Variants in CNOT3 observed in about 807,000 individuals in gnomAD.
CNOT3 encodes the protein CCR4-NOT transcription complex subunit 3, also known as CCR4-associated factor 3.
CNOT3 carries 2 observed loss-of-function variants against 89.4 expected under a neutral mutation model. That is an observed-to-expected ratio of 0.02 (90% CI 0.01 to 0.07). CNOT3 has a LOEUF of 0.07. CNOT3 is among the 10% of genes least tolerant of loss of function. The pLI, the probability that CNOT3 is intolerant of heterozygous loss-of-function variation, is 1.00. For synonymous variants in CNOT3, 486 were observed against 402.0 expected, an observed-to-expected ratio of 1.21 and a Z score of -2.50; for missense variants, 664 against 1,010.2, an observed-to-expected ratio of 0.66 and a Z score of 4.65.
chr19:54,146,642 C>A lies in CNOT3; in HGVS notation c.879C>A (p.Asp293Glu). The A allele has an allele frequency of 6.4e-7, 1 of 1,561,822 alleles. No homozygotes were observed. The highest frequency in any genetic ancestry group is 8.8e-7 in the Non-Finnish European group (1 of 1,132,354). ...EDDKKRGRSTDSEVSQSPAKN... is the reference protein window; with the variant it reads ...EDDKKRGRSTESEVSQSPAKN... ...ATAAGAAGAGGGGACGTTCCACAGA[C>A]AGTGAAGTCAGCCAGGTGGGTGTGA... Residue 293 changes from aspartate (D) to glutamate (E), a missense_variant, in exon 10 of 18, where the codon GAC becomes GAA. Asp to Glu is a conservative substitution (Grantham distance 45). Transcript: ENST00000221232.
Position 54,152,914 on chromosome 19 carries a change from A to G in CNOT3, c.1952A>G (p.Gln651Arg), listed in dbSNP as rs1397177916. The stretch of plus-strand genomic sequence containing the variant: ...TGTCCGACGCCCCCCTACCACCACC[A>G]GATGCCACCCCCACACTCGGACACT... ...NPCPTPPYHHQMPPPHSDTVE... is the reference protein window; with the variant it reads ...NPCPTPPYHHRMPPPHSDTVE... The change falls in exon 16 of 18, where the codon CAG (glutamine) becomes CGG (arginine). Residue 651 changes from glutamine (Q) to arginine (R), a missense_variant. Gln to Arg is a conservative substitution (Grantham distance 43). This residue lies in a region of CNOT3 where 545 missense variants were observed against 566.2 expected (regional missense o/e 0.96). Transcript: ENST00000221232. The G allele has an allele frequency of 7.0e-7, 1 of 1,432,294 alleles. No individual in the cohort carries two copies. The highest frequency in any genetic ancestry group is 9.3e-7 in the Non-Finnish European group (1 of 1,072,476). The allele number at this position is 1,432,294 out of a possible 1,614,324, so 88.7% of individuals were successfully genotyped here. A position where few individuals can be genotyped will look rare whatever the true frequency, so the allele number is the denominator to read the frequency against.
chr19:54,150,094 C>T (rs2074985530), intron 13 of CNOT3, among the ~76,000 whole-genome samples: 1 of 152,124 alleles, frequency 6.6e-6, no homozygotes, highest in Non-Finnish European at 1.5e-5. Context: ...CGTTTGTCCT[C>T]ACAAGGCATA....
At chr19:54,153,490 C>T in intron 16 of CNOT3, 1 of 777,652 alleles carries the variant, frequency 1.3e-6, no homozygotes, top group African/African-American at 1.7e-5. Context: ...TTTCTTCCTT[C>T]TCAAAGCTTC....
At chr19:54,153,230 G>A (rs771637830) in intron 16 of CNOT3, 1 of 763,608 alleles carries the variant, frequency 1.3e-6, no homozygotes, top group Admixed American at 1.7e-5. Context: ...GGTCCACTGA[G>A]GCACACCTCA....
intron 13 of CNOT3, 70 bp downstream of exon 13, chr19:54,149,828 C>G: frequency 7.1e-7 from 1 of 1,415,122 alleles, no homozygotes; most frequent in Non-Finnish European, 9.5e-7. Context: ...AGGTCTCTAG[C>G]TGCACCCCTT....
chr19:54,154,266 A>C, intron 17 of CNOT3: 1 of 345,676 alleles, frequency 2.9e-6, no homozygotes, highest in Non-Finnish European at 5.7e-6. Flanking sequence ...CTCAGTGCGG[A>C]AACTATTTTT....
Position 54,144,200 on chromosome 19 carries a change from C to G in CNOT3, c.388-37C>G. ...CTGAGCCCTGGGTGTAGGCGGAACCCTAGCTGATGGGCTTCCTCTTCCTCT... is the reference window on the plus strand; with the variant it reads ...CTGAGCCCTGGGTGTAGGCGGAACCGTAGCTGATGGGCTTCCTCTTCCTCT... On this transcript the variant is annotated intron_variant, in intron 6 of 17. Transcript: ENST00000221232. The surrounding 1 kb of genome is among the most constrained non-coding windows in gnomAD (Gnocchi z 4.8). 6.2e-7 allele frequency: 1 copy of G among 1,613,468 alleles called. No individual in the cohort carries two copies. Among genetic ancestry groups the G allele is most frequent in the South Asian group, 1.1e-5 (1 of 91,056 alleles).
chr19:54,149,147 T>C (rs1461444411), intron 12 of CNOT3, among the ~76,000 whole-genome samples: 2 of 152,184 alleles, frequency 1.3e-5, no homozygotes, highest in Non-Finnish European at 2.9e-5. Flanking sequence ...ACCATTCCAC[T>C]GGGTCTGCCT....
Position 54,145,985 on chromosome 19 carries a change from C to T in CNOT3, c.779C>T (p.Thr260Met), listed in dbSNP as rs1333533043. 1 of 1,613,926 alleles carries T rather than the reference C, an allele frequency of 6.2e-7. No individual in the cohort carries two copies. Among genetic ancestry groups the T allele is most frequent in the Non-Finnish European group, 8.5e-7 (1 of 1,179,884 alleles). The part of the protein sequence containing the change: ...EDEIFNQSSS[T>M]PTSTTSSSPI... ...GAGATCTTCAACCAGTCCAGCAGCA[C>T]GCCCACCTCAACCACCTCCAGCTCT... Residue 260 changes from threonine to methionine, a missense_variant, in exon 9 of 18, where the codon ACG becomes ATG. Physicochemically the swap from Thr to Met is moderately conservative, Grantham distance 81. Coordinates refer to ENST00000221232, the MANE Select transcript of CNOT3 (RefSeq NM_014516.4). The surrounding 1 kb of genome is among the most constrained non-coding windows in gnomAD (Gnocchi z 5.9).
rs2146794272 is a variant in CNOT3 at position 54,153,754 on chromosome 19, A to C, written c.2077A>C (p.Lys693Gln). 1.2e-6 allele frequency: 2 copies of C among 1,613,980 alleles called. No homozygotes were observed. The highest frequency in any genetic ancestry group is 8.5e-7 in the Non-Finnish European group (1 of 1,179,914). The change falls in exon 17 of 18, where the codon AAG becomes CAG. Residue 693 changes from lysine (K) to glutamine (Q), a missense_variant. Around this residue, in one of 8 missense-constraint regions of CNOT3, gnomAD observed 2 missense variants for 41.2 expected, o/e 0.05. Transcript: ENST00000221232. ...AQYLAAKALK[K>Q]QSWRFHTKYM... The stretch of plus-strand genomic sequence containing the variant: ...GTATCTGGCAGCCAAGGCCCTAAAG[A>C]AGCAGTCATGGCGATTCCACACCAA...
chr19:54,138,560 C>A (rs2074316801), intron 1 of CNOT3, among the ~76,000 whole-genome samples: 1 of 152,140 alleles, frequency 6.6e-6, no homozygotes, highest in South Asian at 2.1e-4. Context: ...AGTCACCCTT[C>A]CCAGGACCGA....
rs751333148 is a variant in CNOT3, at chr19:54,145,986, G to A, written c.780G>A (p.Thr260=). The A allele has an allele frequency of 1.9e-5, 31 of 1,613,610 alleles. No homozygotes were observed. The highest frequency in any genetic ancestry group is 1.6e-4 in the Middle Eastern group (1 of 6,084). The change falls in exon 9 of 18, where the codon ACG becomes ACA. Residue 260 remains threonine, a synonymous_variant. Transcript: ENST00000221232. The surrounding 1 kb of genome is among the most constrained non-coding windows in gnomAD (Gnocchi z 5.9). ...EDEIFNQSSS[T]PTSTTSSSPI... Reference sequence around the variant, plus strand: ...AGATCTTCAACCAGTCCAGCAGCACGCCCACCTCAACCACCTCCAGCTCTC... The same window carrying A: ...AGATCTTCAACCAGTCCAGCAGCACACCCACCTCAACCACCTCCAGCTCTC...
Position 54,148,572 on chromosome 19 carries a change from G to A in CNOT3, c.1282+37G>A, listed in dbSNP as rs756457769. 9 of 1,591,028 alleles carry A rather than the reference G, an allele frequency of 5.7e-6. No individual in the cohort carries two copies. The highest frequency in any genetic ancestry group is 4.6e-5 in the East Asian group (2 of 43,910). ...GGCAGCGGGGTGGGGGGCGTGGGCG[G>A]GGCTGGGCAGCAGGCAGCAGCCCTT... On this transcript the variant is annotated intron_variant, in intron 11 of 17. Coordinates refer to ENST00000221232, the MANE Select transcript of CNOT3 (RefSeq NM_014516.4). The surrounding 1 kb of genome is among the most constrained non-coding windows in gnomAD (Gnocchi z 6.3).
chr19:54,149,624 T>G lies in CNOT3; in HGVS notation c.1471T>G (p.Ser491Ala), dbSNP rs10416861. Residue 491 changes from serine (S) to alanine (A), a missense_variant, in exon 13 of 18, where the codon TCA (serine) becomes GCA (alanine). This residue lies in a region of CNOT3 where 545 missense variants were observed against 566.2 expected (regional missense o/e 0.96). Coordinates refer to ENST00000221232, the MANE Select transcript of CNOT3 (RefSeq NM_014516.4). ...CGTGGCCCCAGGCTCAGGGAACAAC[T>G]CAGGGGGACCCAGCCTCCTGGTGCC... ...GGVAPGSGNN[S>A]GGPSLLVPLP... The G allele has an allele frequency of 2.0e-4, 319 of 1,613,496 alleles. 1 individual carries two copies. In the African/African-American group the frequency reaches 3.6e-3, roughly 18 times the overall value.
Position 54,155,645 on chromosome 19 carries a change from T to G in CNOT3, c.*238T>G. ...ACATTTTTTGGTAAACCTATTTTCA[T>G]TTTGGAAAATATTTATGAATAAATA... On this transcript the variant is annotated 3_prime_UTR_variant, in exon 18 of 18. Coordinates refer to ENST00000221232, the MANE Select transcript of CNOT3 (RefSeq NM_014516.4). 5 of 1,367,958 alleles carry G rather than the reference T, an allele frequency of 3.7e-6. No homozygotes were observed. Among genetic ancestry groups the G allele is most frequent in the Non-Finnish European group, 5.0e-6 (5 of 1,004,870 alleles). 84.7% of individuals were successfully genotyped at this position (1,367,958 alleles called of 1,614,324 possible).
chr19:54,151,923 T>C (rs1269884031), intron 13 of CNOT3, among the ~76,000 whole-genome samples: 1 of 152,242 alleles, frequency 6.6e-6, no homozygotes, highest in African/African-American at 2.4e-5. Flanking sequence ...ACTGTACATA[T>C]TCTGCAGGTT....
At position 54,152,930 on chromosome 19, in the gene CNOT3, C is replaced by T; in HGVS notation, c.1968C>T (p.His656=). Reference sequence around the variant, plus strand: ...ACCACCACCAGATGCCACCCCCACACTCGGACACTGTGGAATTCTACCAGC... The same window carrying T: ...ACCACCACCAGATGCCACCCCCACATTCGGACACTGTGGAATTCTACCAGC... ...PPYHHQMPPP[H]SDTVEFYQRL... is the part of the protein sequence containing the mutation. The change falls in exon 16 of 18, where the codon CAC becomes CAT. Residue 656 remains histidine, a synonymous_variant. Coordinates refer to ENST00000221232, the MANE Select transcript of CNOT3 (RefSeq NM_014516.4). 1 of 1,605,712 alleles carries T rather than the reference C, an allele frequency of 6.2e-7. No homozygotes were observed. Among genetic ancestry groups the T allele is most frequent in the South Asian group, 1.1e-5 (1 of 90,564 alleles).
intron 13 of CNOT3, among the ~76,000 whole-genome samples, chr19:54,151,303 G>A (rs960879120): frequency 2.0e-5 from 3 of 152,170 alleles, no homozygotes; most frequent in African/African-American, 7.2e-5. Flanking sequence ...CCCTGGGGCT[G>A]GTGAGGACAG....
At chr19:54,147,648 C>T (rs1486863469) in intron 10 of CNOT3, among the ~76,000 whole-genome samples, 2 of 152,178 alleles carry the variant, frequency 1.3e-5, no homozygotes, top group Admixed American at 6.5e-5. Context: ...AGCACATTTA[C>T]CCTCCCACCA....
Sources: gnomAD v4.1 joint callset for allele counts (sites outside exome capture counted in the v4.1 genomes callset) on GRCh38, gnomAD v4.1.1 for gene constraint, gnomAD v4.1.1 regional missense constraint, Gnocchi (gnomAD v3.1) non-coding constraint, MANE v1.5 for transcripts, NCBI Gene and HGNC (gene_info 2026-07-23, HGNC 2026-07-21) for gene names.